Variants in DAPK1 observed in about 807,000 individuals in gnomAD.
The protein encoded by DAPK1 is death-associated protein kinase 1.
DAPK1 carries 56 observed loss-of-function variants against 144.9 expected under a neutral mutation model. That is an observed-to-expected ratio of 0.39 (90% CI 0.31 to 0.48). The LOEUF is 0.48. Ranked by LOEUF, DAPK1 falls within the 20% of genes least tolerant of loss-of-function variation. The pLI, the probability that DAPK1 is intolerant of heterozygous loss-of-function variation, is 0.95. For synonymous variants in DAPK1, 690 were observed against 749.0 expected (o/e 0.92, Z 1.29); for missense variants, 1,454 against 1,875.4 (o/e 0.78, Z 4.15).
At chr9:87,689,716 T>G (rs1421496871) in intron 21 of DAPK1, among the ~76,000 whole-genome samples, 1 of 152,216 alleles carries the variant, frequency 6.6e-6, no homozygotes, top group Non-Finnish European at 1.5e-5. Flanking sequence ...TTCATTCTTC[T>G]GCATATGGAT....
chr9:87,514,548 A>G (rs1253931691), intron 2 of DAPK1, among the ~76,000 whole-genome samples: 4 of 152,232 alleles, frequency 2.6e-5, no homozygotes, highest in Admixed American at 2.0e-4. Flanking sequence ...CCCATGATCT[A>G]GGTCTGTGAC....
Position 87,645,975 on chromosome 9 carries a change from G to A in DAPK1, c.1092G>A (p.Leu364=), listed in dbSNP as rs776711141. 9.9e-6 allele frequency: 16 copies of A among 1,613,934 alleles called. No individual in the cohort carries two copies. In the East Asian group the frequency reaches 2.7e-4, roughly 27 times the overall value. Residue 364 remains leucine (L), a synonymous_variant, in exon 12 of 26, where the codon CTG becomes CTA. Transcript: ENST00000408954. ...DDNVPGLQHL[L]GSLSNYDVNQ... ...ATGTCCCAGGCCTGCAGCACCTTCT[G>A]GGCTCATTATCCAACTATGATGTTA...
intron 3 of DAPK1, among the ~76,000 whole-genome samples, chr9:87,620,423 G>A (rs763748514): frequency 6.6e-6 from 1 of 152,200 alleles, no homozygotes; most frequent in Non-Finnish European, 1.5e-5. Context: ...ATGTCTCAAG[G>A]TGGCTAAAGA....
At chr9:87,505,688 C>T (rs1216224197) in intron 2 of DAPK1, among the ~76,000 whole-genome samples, 1 of 147,268 alleles carries the variant, frequency 6.8e-6, no homozygotes. Context: ...AATCACTGTG[C>T]CTGGCCTTTT....
chr9:87,540,627 TC>T (rs2118464090), intron 2 of DAPK1, among the ~76,000 whole-genome samples: 1 of 152,300 alleles, frequency 6.6e-6, no homozygotes, highest in African/African-American at 2.4e-5. Context: ...TTGGAATGGA[TC>T]CCCTGTGAGT....
chr9:87,529,569 T>G (rs1022285788), intron 2 of DAPK1, among the ~76,000 whole-genome samples: 1 of 152,190 alleles, frequency 6.6e-6, no homozygotes, highest in Non-Finnish European at 1.5e-5. Context: ...CCACATGCTC[T>G]GGGGGATATA....
chr9:87,635,626 C>A (rs532930368), intron 3 of DAPK1, among the ~76,000 whole-genome samples: 2 of 152,264 alleles, frequency 1.3e-5, no homozygotes, highest in South Asian at 4.1e-4. Context: ...CAGTGGCCTT[C>A]TTTATAACAA....
chr9:87,678,194 A>G (rs1824471164), intron 19 of DAPK1, among the ~76,000 whole-genome samples: 1 of 152,200 alleles, frequency 6.6e-6, no homozygotes, highest in South Asian at 2.1e-4. Context: ...AGCATTTTAC[A>G]ACACACCTTG....
intron 23 of DAPK1, 149 bp downstream of exon 23, chr9:87,698,943 G>C: frequency 5.1e-6 from 3 of 591,404 alleles, no homozygotes; most frequent in Non-Finnish European, 9.0e-6. Flanking sequence ...TTCTTGTACA[G>C]GTCTTGTATC....
chr9:87,618,572 A>G (rs537862574), intron 3 of DAPK1, among the ~76,000 whole-genome samples: 28 of 152,330 alleles, frequency 1.8e-4, no homozygotes, highest in Admixed American at 3.3e-4. Context: ...TGTCCATTCA[A>G]TGGGCTGTTA....
chr9:87,613,898 T>C (rs1282925700), intron 3 of DAPK1, among the ~76,000 whole-genome samples: 1 of 152,204 alleles, frequency 6.6e-6, no homozygotes, highest in Non-Finnish European at 1.5e-5. Flanking sequence ...TCTTTTGACT[T>C]TTTGAACTTT....
chr9:87,650,487 T>A, intron 16 of DAPK1: 1 of 251,126 alleles, frequency 4.0e-6, no homozygotes, highest in Non-Finnish European at 7.8e-6. Flanking sequence ...GATGTTTTAC[T>A]TATTTCTATC....
intron 2 of DAPK1, among the ~76,000 whole-genome samples, chr9:87,582,170 T>C (rs1018095942): frequency 6.6e-6 from 1 of 152,168 alleles, no homozygotes; most frequent in Non-Finnish European, 1.5e-5. Flanking sequence ...TAGTGAGATC[T>C]GAAATGGGTC....
chr9:87,621,977 C>T (rs1829310112), intron 3 of DAPK1, among the ~76,000 whole-genome samples: 1 of 151,960 alleles, frequency 6.6e-6, no homozygotes. Context: ...CCAAGGGCAT[C>T]CTTTGGGCCC....
intron 2 of DAPK1, among the ~76,000 whole-genome samples, chr9:87,549,253 C>T (rs1826382301): frequency 6.6e-6 from 1 of 152,150 alleles, no homozygotes; most frequent in Non-Finnish European, 1.5e-5. Flanking sequence ...ATCCATGTCC[C>T]TGCAGAGGAC....
Position 87,499,295 on chromosome 9 carries a change from A to ACC in DAPK1, c.62+156_62+157insCC. 4.3e-6 allele frequency: 3 copies of ACC among 690,280 alleles called. No homozygotes were observed. In the Admixed American group the frequency reaches 7.4e-5, roughly 17 times the overall value. The allele number at this position is 690,280 out of a possible 1,614,324, so 42.8% of individuals were successfully genotyped here. On this transcript the variant is annotated intron_variant, in intron 2 of 25. Transcript: ENST00000408954. Reference sequence around the variant, plus strand: ...AGAAAAGAGTTACTAACCCAGCGGTAAACCGCCTGATCCAAGGGCCTGGGG... The same window carrying ACC: ...AGAAAAGAGTTACTAACCCAGCGGTACCAACCGCCTGATCCAAGGGCCTGGGG...
At chr9:87,542,036 A>T (rs1032028181) in intron 2 of DAPK1, among the ~76,000 whole-genome samples, 1 of 152,366 alleles carries the variant, frequency 6.6e-6, no homozygotes, top group Non-Finnish European at 1.5e-5. Context: ...AGCAGGAATT[A>T]TAAACCCTCG....
chr9:87,697,063 T>C lies in DAPK1; in HGVS notation c.2470T>C (p.Tyr824His). The change falls in exon 22 of 26, where the codon TAT becomes CAT. Residue 824 changes from tyrosine (Y) to histidine (H), a missense_variant. Tyr to His is a moderately conservative substitution (Grantham distance 83). Transcript: ENST00000408954. ...TGGAAATCCTGTGTATTTCTGCTGT[T>C]ATGACTATTTTGCTGCAAATGATCC... ...FSGNPVYFCC[Y>H]DYFAANDPTS... 6.3e-7 allele frequency: 1 copy of C among 1,593,624 alleles called. No individual in the cohort carries two copies. The highest frequency in any genetic ancestry group is 8.6e-7 in the Non-Finnish European group (1 of 1,161,206).
intron 2 of DAPK1, among the ~76,000 whole-genome samples, chr9:87,524,703 C>A (rs1001093734): frequency 2.0e-5 from 3 of 152,206 alleles, no homozygotes; most frequent in African/African-American, 7.2e-5. Context: ...TAGAATACTA[C>A]TCGGCCCTAA....
Sources: gnomAD v4.1 joint callset for allele counts (sites outside exome capture counted in the v4.1 genomes callset) on GRCh38, gnomAD v4.1.1 for gene constraint, MANE v1.5 for transcripts, NCBI Gene and HGNC (gene_info 2026-07-23, HGNC 2026-07-21) for gene names.